KRTAP6-2: variants seen among roughly 807,000 people sequenced by gnomAD.
KRTAP6-2 encodes keratin-associated protein 6-2.
KRTAP6-2 carries 1 observed loss-of-function variant against 0.4 expected under a neutral mutation model. The observed-to-expected ratio is 2.37, with a 90% confidence interval of 0.84 to 11.25. KRTAP6-2 has a LOEUF of 11.25. KRTAP6-2 is among the 30% of genes most tolerant of loss of function. The probability of loss-of-function intolerance (pLI) is 0.12; values close to 1 mark genes in which losing one functional copy is unlikely to be tolerated. For synonymous variants in KRTAP6-2, 39 were observed against 34.2 expected (o/e 1.14, Z -0.49); for missense variants, 87 against 82.0 (o/e 1.06, Z -0.23).
At chr21:30,598,772 T>G (rs1601081146) in exon 1 of KRTAP6-2, 1 of 1,608,798 alleles carries the variant, frequency 6.2e-7, no homozygotes, top group African/African-American at 1.3e-5. Context: ...CAGCAGGAGC[T>G]ATAGCCACAG....
chr21:30,598,879 A>G (rs1226167998), exon 1 of KRTAP6-2: 15 of 1,612,994 alleles, frequency 9.3e-6, no homozygotes, highest in Non-Finnish European at 1.3e-5. Flanking sequence ...GCACATCGTG[A>G]TGGTTGTGGA....
exon 1 of KRTAP6-2, chr21:30,598,645 C>T (rs764520350): frequency 8.9e-6 from 14 of 1,578,292 alleles, no homozygotes; most frequent in African/African-American, 2.7e-5. Flanking sequence ...ATTGGTGAAT[C>T]CCGATGTCAC....
In KRTAP6-2 at chr21:30,598,647, C is replaced by T. The variant is rs574485926; in HGVS notation, c.*39G>A. On this transcript the variant is annotated 3_prime_UTR_variant, in exon 1 of 1. Coordinates refer to ENST00000334897, the Ensembl canonical transcript of KRTAP6-2. Reference sequence around the variant, plus strand: ...TACGGGGTTCAGAATTGGTGAATCCCGATGTCACAGGATAGAGGATGAGTC... The same window carrying T: ...TACGGGGTTCAGAATTGGTGAATCCTGATGTCACAGGATAGAGGATGAGTC... 38 of 1,581,182 alleles carry T rather than the reference C, an allele frequency of 2.4e-5. No homozygotes were observed. In the South Asian group the frequency reaches 2.8e-4, roughly 12 times the overall value.
chr21:30,598,771 C>A (rs1980250251), exon 1 of KRTAP6-2: 1 of 1,609,156 alleles, frequency 6.2e-7, no homozygotes, highest in Non-Finnish European at 8.5e-7. Flanking sequence ...ACAGCAGGAG[C>A]TATAGCCACA....
At chr21:30,598,850 A>G in exon 1 of KRTAP6-2, 3 of 1,614,014 alleles carry the variant, frequency 1.9e-6, no homozygotes, top group Middle Eastern at 1.7e-4. Flanking sequence ...TCGCCGTAGT[A>G]GTTTCCGTAG....
At chr21:30,598,707 G>T in the KRTAP6-2 span, 1 of 1,612,650 alleles carries the variant, frequency 6.2e-7, no homozygotes, top group Non-Finnish European at 8.5e-7. Flanking sequence ...AGCCAGAGCC[G>T]CATCCATAGC....
exon 1 of KRTAP6-2, chr21:30,598,593 A>G (rs1286953846): frequency 2.1e-6 from 3 of 1,421,738 alleles, no homozygotes; most frequent in African/African-American, 1.4e-5. Flanking sequence ...AATATAAGAT[A>G]ATCTTCATCC....
exon 1 of KRTAP6-2, chr21:30,598,740 G>C: frequency 6.2e-7 from 1 of 1,608,090 alleles, no homozygotes; most frequent in South Asian, 1.1e-5. Context: ...AGAAGCGGGA[G>C]CCGTAGCCAT....
Position 30,598,767 on chromosome 21 carries a change from G to A in KRTAP6-2, c.108C>T (p.Ser36=), listed in dbSNP as rs112394081. 3,901 of 1,606,096 alleles carry A rather than the reference G, an allele frequency of 2.4e-3. 78 individuals are homozygous for A. In the African/African-American group the frequency reaches 0.043, roughly 18 times the overall value. The stretch of plus-strand genomic sequence containing the variant: ...CGTAGCCATGACCATAGCCACAGCA[G>A]GAGCTATAGCCACAGCGCAGGCTTC... The change falls in exon 1 of 1, where the codon TCC becomes TCT. Residue 36 remains serine (S), a synonymous_variant. Transcript: ENST00000334897.
Position 30,598,751 on chromosome 21 carries a change from G to A in KRTAP6-2, c.124C>T (p.His42Tyr), listed in dbSNP as rs112952516. Residue 42 changes from histidine (H) to tyrosine (Y), a missense_variant, in exon 1 of 1, where the codon CAT becomes TAT. By Grantham distance (83) the His-to-Tyr change is moderately conservative. Coordinates refer to ENST00000334897, the Ensembl canonical transcript of KRTAP6-2. ...CAGAAGAAGCGGGAGCCGTAGCCAT[G>A]ACCATAGCCACAGCAGGAGCTATAG... 1,358 of 1,607,018 alleles carry A rather than the reference G, an allele frequency of 8.5e-4. 24 individuals carry two copies. In the South Asian group the frequency reaches 0.013, roughly 15 times the overall value.
exon 1 of KRTAP6-2, chr21:30,598,726 C>T (rs750945573): frequency 9.3e-6 from 15 of 1,611,372 alleles, no homozygotes; most frequent in Admixed American, 1.7e-5. Context: ...GCCACAGCCA[C>T]AGAAGAAGCG....
chr21:30,598,808 G>A (rs781282330), exon 1 of KRTAP6-2: 25 of 1,613,650 alleles, frequency 1.5e-5, no homozygotes, highest in Non-Finnish European at 2.0e-5. Context: ...CCATAGCCTA[G>A]GCCTTCGTAT....
chr21:30,598,882 G>A, exon 1 of KRTAP6-2: 7 of 1,612,104 alleles, frequency 4.3e-6, no homozygotes, highest in Non-Finnish European at 5.9e-6. Context: ...CATCGTGATG[G>A]TTGTGGAGGT....
chr21:30,598,648 G>C lies in KRTAP6-2; in HGVS notation c.*38C>G, dbSNP rs757602416. On this transcript the variant is annotated 3_prime_UTR_variant, in exon 1 of 1. Transcript: ENST00000334897. ...ACGGGGTTCAGAATTGGTGAATCCC[G>C]ATGTCACAGGATAGAGGATGAGTCT... 7 of 1,581,004 alleles carry C rather than the reference G, an allele frequency of 4.4e-6. No homozygotes were observed. In the African/African-American group the frequency reaches 6.7e-5, roughly 15 times the overall value.
In KRTAP6-2 at chr21:30,598,876, G is replaced by A. The variant is rs745800709; in HGVS notation, c.-2C>T. ...GTTTCCGTAGTAGCTGCCGCACATC[G>A]TGATGGTTGTGGAGGTTGTCCTTGG... On this transcript the variant is annotated 5_prime_UTR_variant, in exon 1 of 1. It adds an upstream start codon to the 5' untranslated region. Transcript: ENST00000334897. 71 of 1,613,150 alleles carry A rather than the reference G, an allele frequency of 4.4e-5. No homozygotes were observed. In the Middle Eastern group the frequency reaches 4.9e-4, roughly 11 times the overall value.
chr21:30,598,602 C>T, exon 1 of KRTAP6-2: 5 of 1,453,102 alleles, frequency 3.4e-6, no homozygotes, highest in East Asian at 2.4e-5. Flanking sequence ...TAATCTTCAT[C>T]CAGCCCCGAG....
At chr21:30,598,782 G>A (rs1450004985) in exon 1 of KRTAP6-2, 24 of 1,611,024 alleles carry the variant, frequency 1.5e-5, no homozygotes, top group Non-Finnish European at 2.0e-5. Context: ...TATAGCCACA[G>A]CGCAGGCTTC....
chr21:30,598,712 C>T (rs1482909057), exon 1 of KRTAP6-2: 4 of 1,612,734 alleles, frequency 2.5e-6, no homozygotes, highest in Non-Finnish European at 3.4e-6. Flanking sequence ...GAGCCGCATC[C>T]ATAGCCACAG....
At position 30,598,681 on chromosome 21, in the gene KRTAP6-2, T is replaced by G. The variant is rs1601081043; in HGVS notation, c.*5A>C. 1.9e-6 allele frequency: 3 copies of G among 1,609,942 alleles called. No homozygotes were observed. In the East Asian group the frequency reaches 6.7e-5, roughly 36 times the overall value. ...AGGATAGAGGATGAGTCTCCCACGG[T>G]GTCCTCAATAGTAGTAGCCAGAGCC... On this transcript the variant is annotated 3_prime_UTR_variant, in exon 1 of 1. Transcript: ENST00000334897.
Sources: gnomAD v4.1 joint callset for allele counts on GRCh38, gnomAD v4.1.1 for gene constraint, MANE v1.5 for transcripts, NCBI Gene and HGNC (gene_info 2026-07-23, HGNC 2026-07-21) for gene names.